SHBG: variants seen among roughly 807,000 people sequenced by gnomAD.
The protein encoded by SHBG is sex hormone-binding globulin.
In SHBG, 37 loss-of-function variants were observed where a neutral mutation model predicts 41.9. The ratio of observed to expected loss-of-function variants is 0.88; its 90% CI spans 0.68 to 1.16. The LOEUF (loss-of-function observed/expected upper bound fraction) is 1.16, where lower values mean the gene tolerates loss of function less well. Ranked by LOEUF, SHBG falls within the 50% of genes most tolerant of loss-of-function variation. SHBG has a pLI of 0.00. For synonymous variants in SHBG, 217 were observed against 205.8 expected, an observed-to-expected ratio of 1.05 and a Z score of -0.47; for missense variants, 466 against 499.9, an observed-to-expected ratio of 0.93 and a Z score of 0.65.
intron 1 of SHBG, among the ~76,000 whole-genome samples, chr17:7,620,164 A>G (rs1297717239): frequency 1.3e-5 from 2 of 152,054 alleles, no homozygotes; most frequent in Non-Finnish European, 2.9e-5. Context: ...AAAAAGAGAC[A>G]TCAAGAAGTG....
chr17:7,630,150 C>T lies in SHBG; in HGVS notation c.-23C>T, dbSNP rs763547025. 27 of 1,592,244 alleles carry T rather than the reference C, an allele frequency of 1.7e-5. No individual in the cohort carries two copies. The highest frequency in any genetic ancestry group is 1.1e-4 in the East Asian group (5 of 44,800). Reference sequence around the variant, plus strand: ...ACATTCTCCCAAGAGTTGTCTGAGCCGCCGAGTGGACAGTGGCTGATTATG... The same window carrying T: ...ACATTCTCCCAAGAGTTGTCTGAGCTGCCGAGTGGACAGTGGCTGATTATG... On this transcript the variant is annotated 5_prime_UTR_variant, in exon 1 of 8. Transcript: ENST00000380450. The surrounding 1 kb of genome is among the most constrained non-coding windows in gnomAD (Gnocchi z 4.6).
At chr17:7,614,369 A>G in intron 1 of SHBG, 1 of 1,027,492 alleles carries the variant, frequency 9.7e-7, no homozygotes, top group East Asian at 2.6e-5. Flanking sequence ...CAGCTCCAGA[A>G]GCTCGATCCC....
chr17:7,631,691 G>T lies in SHBG; in HGVS notation c.658G>T (p.Glu220Ter), dbSNP rs143609002. ...CACTAGCCTCAGAAGCTGTGATGTAGAATCAAATCCCGGGATATTTCTCCC... is the reference window on the plus strand; with the variant it reads ...CACTAGCCTCAGAAGCTGTGATGTATAATCAAATCCCGGGATATTTCTCCC... ...APTSLRSCDV[E>*]SNPGIFLPPG... Residue 220 changes from glutamate to a stop codon, truncating the protein, a stop_gained, in exon 5 of 8, where the codon GAA (glutamate) becomes TAA (stop). Coordinates refer to ENST00000380450, the MANE Select transcript of SHBG (RefSeq NM_001040.5). LOFTEE classifies it high-confidence loss of function. 2.8e-5 allele frequency: 45 copies of T among 1,614,020 alleles called. No homozygotes were observed. Among genetic ancestry groups the T allele is most frequent in the Non-Finnish European group, 3.6e-5 (43 of 1,180,014 alleles).
intron 1 of SHBG, among the ~76,000 whole-genome samples, chr17:7,618,971 A>C (rs1431228134): frequency 6.6e-6 from 1 of 152,202 alleles, no homozygotes; most frequent in Non-Finnish European, 1.5e-5. Context: ...TAGAGTACAC[A>C]GGAAACTAAG....
rs773406667 is a variant in SHBG, at chr17:7,632,003, C to T, written c.840C>T (p.His280=). The change falls in exon 6 of 8, where the codon CAC becomes CAT. Residue 280 remains histidine, a synonymous_variant. Coordinates refer to ENST00000380450, the MANE Select transcript of SHBG (RefSeq NM_001040.5). ...AGAACCCATCTTGGCTCAGTCTCCA[C>T]CTCCAAGATCAAGTAAAGGGGGACA... is the stretch of plus-strand genomic sequence containing the variant. ...TPENPSWLSL[H]LQDQKVVLSS... 2.4e-5 allele frequency: 39 copies of T among 1,613,646 alleles called. No homozygotes were observed. The highest frequency in any genetic ancestry group is 6.6e-5 in the South Asian group (6 of 91,078).
upstream of SHBG, chr17:7,626,876 A>C: frequency 6.2e-7 from 1 of 1,601,676 alleles, no homozygotes; most frequent in East Asian, 2.2e-5. Context: ...GGCTCTGGGG[A>C]CAGGGGATAA....
At chr17:7,627,179 C>A (rs911991723), upstream of SHBG, 3 of 1,613,978 alleles carry the variant, frequency 1.9e-6, no homozygotes, top group African/African-American at 2.7e-5. This position sits in a 1 kb window ranked among gnomAD's most constrained non-coding sequence, Gnocchi z 4.8. Context: ...ATCTCTGCTA[C>A]CAAACAGTGA....
At position 7,630,604 on chromosome 17, in the gene SHBG, C is replaced by T; in HGVS notation, c.204-76C>T. Reference sequence around the variant, plus strand: ...CTGTCTTCCTTTCCTTATCTGTGAACACCATCTCCCCCAAACCCACACTGG... The same window carrying T: ...CTGTCTTCCTTTCCTTATCTGTGAATACCATCTCCCCCAAACCCACACTGG... On this transcript the variant is annotated intron_variant, in intron 2 of 7. Transcript: ENST00000380450. This position sits in a 1 kb window ranked among gnomAD's most constrained non-coding sequence, Gnocchi z 4.6. The T allele has an allele frequency of 6.5e-7, 1 of 1,533,260 alleles. No individual in the cohort carries two copies. Among genetic ancestry groups the T allele is most frequent in the South Asian group, 1.1e-5 (1 of 89,048 alleles). The allele number at this position is 1,533,260 out of a possible 1,614,324, so 95.0% of individuals were successfully genotyped here.
In SHBG at chr17:7,630,533, C is replaced by G; in HGVS notation, c.203+26C>G. ...GTATGGGGTTGGCCTAGCCCTTGAC[C>G]CAGTCCCCTGGTTCTGCCCTCTCTC... is the stretch of plus-strand genomic sequence containing the variant. On this transcript the variant is annotated intron_variant, in intron 2 of 7. Transcript: ENST00000380450. This position sits in a 1 kb window ranked among gnomAD's most constrained non-coding sequence, Gnocchi z 4.6. 1 of 1,600,370 alleles carries G rather than the reference C, an allele frequency of 6.2e-7. No individual in the cohort carries two copies. The highest frequency in any genetic ancestry group is 8.6e-7 in the Non-Finnish European group (1 of 1,167,570).
chr17:7,633,241 T>C lies in SHBG; in HGVS notation c.1098T>C (p.Leu366=), dbSNP rs1255107103. The C allele has an allele frequency of 1.3e-5, 21 of 1,614,152 alleles. No homozygotes were observed. The highest frequency in any genetic ancestry group is 1.8e-5 in the Non-Finnish European group (21 of 1,180,026). Residue 366 remains leucine, a synonymous_variant, in exon 8 of 8, where the codon CTT becomes CTC. Coordinates refer to ENST00000380450, the MANE Select transcript of SHBG (RefSeq NM_001040.5). ...CCACCTCTTTTTGCCTGAATGGCCT[T>C]TGGGCACAAGGTCAGAGGCTGGATG... The part of the protein sequence containing the change: ...DSSTSFCLNG[L]WAQGQRLDVD...
intron 1 of SHBG, among the ~76,000 whole-genome samples, chr17:7,622,688 T>C (rs897642547): frequency 6.6e-6 from 1 of 152,000 alleles, no homozygotes; most frequent in Non-Finnish European, 1.5e-5. Flanking sequence ...AGATATTCTA[T>C]GAATATTAGT....
intron 1 of SHBG, among the ~76,000 whole-genome samples, chr17:7,618,046 C>A (rs936488097): frequency 1.3e-5 from 2 of 151,982 alleles, no homozygotes; most frequent in Non-Finnish European, 2.9e-5. Flanking sequence ...TGGTGAAACC[C>A]CATCTCTACT....
At chr17:7,632,657 G>A (rs2072455666) in intron 6 of SHBG, 95 bp from the exon 7 acceptor site, 7 of 953,644 alleles carry the variant, frequency 7.3e-6, no homozygotes, top group South Asian at 3.9e-5. Context: ...ATAGCGAAGA[G>A]GCAGAATTAA....
intron 4 of SHBG, 61 bp downstream of exon 4, chr17:7,631,422 G>A: frequency 6.3e-7 from 1 of 1,592,544 alleles, no homozygotes; most frequent in Non-Finnish European, 8.6e-7. Flanking sequence ...CTGGGTGGCT[G>A]GCCGTGGGAA....
At chr17:7,632,178 G>A (rs1418617177) in intron 6 of SHBG, 163 bp downstream of exon 6, 2 of 777,514 alleles carry the variant, frequency 2.6e-6, no homozygotes, top group Non-Finnish European at 4.3e-6. Flanking sequence ...CAGGCATGGT[G>A]GTGCTTGCCT....
rs557500822 is a variant in SHBG, at chr17:7,614,324, T to C, written c.-62+213T>C. ...CGGTCTCCCAGGGAAGGCTGCGGGT[T>C]GGAGCAAGGGTCCAAGATTCTAAGG... On this transcript the variant is annotated intron_variant, in intron 1 of 5. Coordinates refer to the SHBG transcript ENST00000570547. The C allele has an allele frequency of 1.1e-4, 82 of 734,276 alleles. No individual in the cohort carries two copies. The African/African-American group carries it at 1.3e-3, about 12-fold the overall frequency. The allele number at this position is 734,276 out of a possible 1,614,324, so 45.5% of individuals were successfully genotyped here.
At chr17:7,615,216 C>T (rs925302522) in intron 1 of SHBG, among the ~76,000 whole-genome samples, 1 of 152,056 alleles carries the variant, frequency 6.6e-6, no homozygotes, top group African/African-American at 2.4e-5. Flanking sequence ...ACACAGCGCT[C>T]AGGCCACACC....
At chr17:7,629,375 C>CCAAAA, upstream of SHBG, among the ~76,000 whole-genome samples, 1 of 146,396 alleles carries the variant, frequency 6.8e-6, no homozygotes, top group South Asian at 2.2e-4. Context: ...AAGACTCTGT[C>CCAAAA]TAAAATAAAA....
intron 1 of SHBG, among the ~76,000 whole-genome samples, chr17:7,621,589 C>A (rs1470187742): frequency 2.7e-5 from 2 of 73,860 alleles, no homozygotes; most frequent in South Asian, 1.0e-3. Flanking sequence ...GGCAACAGAG[C>A]GAGTCTCCGT....
Sources: gnomAD v4.1 joint callset for allele counts (sites outside exome capture counted in the v4.1 genomes callset) on GRCh38, gnomAD v4.1.1 for gene constraint, Gnocchi (gnomAD v3.1) non-coding constraint, MANE v1.5 for transcripts, NCBI Gene and HGNC (gene_info 2026-07-23, HGNC 2026-07-21) for gene names.